Variants in PTPRT observed in about 807,000 individuals in gnomAD.
PTPRT encodes protein tyrosine phosphatase receptor type T.
Under a neutral mutation model 176.8 loss-of-function variants are expected in PTPRT, and 56 were observed. The ratio of observed to expected loss-of-function variants is 0.32; its 90% CI spans 0.26 to 0.40. The LOEUF is 0.40. Ranked by LOEUF, PTPRT falls within the 10% of genes least tolerant of loss-of-function variation. PTPRT has a pLI of 1.00. For missense variants in PTPRT, 1,540 were observed against 1,908.2 expected (o/e 0.81, Z 3.60); for synonymous variants, 783 against 739.0 (o/e 1.06, Z -0.96).
chr20:42,874,085 T>A (rs1046052103), intron 2 of PTPRT, among the ~76,000 whole-genome samples: 1 of 152,152 alleles, frequency 6.6e-6, no homozygotes, highest in Admixed American at 6.5e-5. Context: ...GGTTGAATGG[T>A]CCACGAAGAC....
chr20:42,839,127 T>A (rs538145305), intron 2 of PTPRT, among the ~76,000 whole-genome samples: 1 of 152,270 alleles, frequency 6.6e-6, no homozygotes, highest in East Asian at 1.9e-4. Flanking sequence ...GCACAGGTGC[T>A]GGAGGTAGGC....
chr20:43,175,591 C>T (rs73618875), intron 1 of PTPRT, among the ~76,000 whole-genome samples: 899 of 55,026 alleles, frequency 0.016, 1 homozygote, highest in Middle Eastern at 0.1. Flanking sequence ...AGCGAGACCC[C>T]GGGCTCTGAC....
At chr20:42,046,280 TCTC>T in the PTPRT span, among the ~76,000 whole-genome samples, 111 of 152,320 alleles carry the variant, frequency 7.3e-4, 1 homozygote, top group Non-Finnish European at 1.0e-3. Flanking sequence ...CCGACACTCT[TCTC>T]CTGAACCCAC....
intron 9 of PTPRT, among the ~76,000 whole-genome samples, chr20:42,429,637 G>A (rs1184581552): frequency 6.6e-6 from 1 of 152,198 alleles, no homozygotes; most frequent in Non-Finnish European, 1.5e-5. Context: ...GGAAGGGCAG[G>A]TAGCAGCACC....
intron 13 of PTPRT, among the ~76,000 whole-genome samples, chr20:42,256,444 A>G (rs1354251606): frequency 6.6e-6 from 1 of 152,030 alleles, no homozygotes; most frequent in Non-Finnish European, 1.5e-5. Flanking sequence ...TGTAGCAAAC[A>G]GGAGGGGTGC....
At chr20:42,272,721 G>A (rs546001473) in intron 13 of PTPRT, among the ~76,000 whole-genome samples, 11 of 149,308 alleles carry the variant, frequency 7.4e-5, no homozygotes, top group African/African-American at 2.7e-4. Context: ...ACACGTGCGC[G>A]CACACACACA....
intron 16 of PTPRT, among the ~76,000 whole-genome samples, chr20:42,178,158 G>A (rs577083316): frequency 2.1e-4 from 32 of 152,154 alleles, no homozygotes; most frequent in Admixed American, 1.6e-3. Flanking sequence ...GGCTGTTCTC[G>A]AACTCCTGAC....
intron 27 of PTPRT, among the ~76,000 whole-genome samples, chr20:42,086,743 A>ATATATATATATAT (rs1436136131): frequency 2.6e-5 from 1 of 38,302 alleles, no homozygotes; most frequent in African/African-American, 1.1e-4. Context: ...AAAAAAAAAA[A>ATATATATATATAT]AAAAAAAAAA....
At chr20:42,380,547 C>T in intron 9 of PTPRT, among the ~76,000 whole-genome samples, 1 of 152,170 alleles carries the variant, frequency 6.6e-6, no homozygotes, top group Admixed American at 6.5e-5. Context: ...GACATTGGGC[C>T]CCAATCGGAA....
chr20:42,108,404 A>T (rs1231837554), intron 23 of PTPRT, among the ~76,000 whole-genome samples: 6 of 151,308 alleles, frequency 4.0e-5, no homozygotes, highest in Non-Finnish European at 1.5e-5. Flanking sequence ...AATGATGTTG[A>T]TAATAATTAA....
In PTPRT at chr20:43,146,498, A is replaced by T. The variant is rs146336682; in HGVS notation, c.88+43148T>A. Among the ~76,000 whole-genome samples, 546 of 152,142 alleles carry T rather than the reference A, an allele frequency of 3.6e-3. 3 individuals carry two copies. Among genetic ancestry groups the T allele is most frequent in the African/African-American group, 0.013 (524 of 41,522 alleles). On this transcript the variant is annotated intron_variant, in intron 1 of 30. Coordinates refer to ENST00000373187, the MANE Select transcript of PTPRT (RefSeq NM_007050.6). ...GATATCTTGGGATGAGATTGTGATT[A>T]GGCCACTCTCCAAACACTAGTGGAT...
In PTPRT at chr20:43,082,185, C is replaced by T. The variant is rs142713267; in HGVS notation, c.88+107461G>A. On this transcript the variant is annotated intron_variant, in intron 1 of 30. Coordinates refer to ENST00000373187, the MANE Select transcript of PTPRT (RefSeq NM_007050.6). ...ACATATTGCCTGATCTTTTCTGTAACGTAATCTAAGAGTACGTGCATCTTA... is the reference window on the plus strand; with the variant it reads ...ACATATTGCCTGATCTTTTCTGTAATGTAATCTAAGAGTACGTGCATCTTA... Among the ~76,000 whole-genome samples the T allele has an allele frequency of 1.1e-3, 166 of 152,202 alleles. 2 individuals are homozygous for T. Among genetic ancestry groups the T allele is most frequent in the African/African-American group, 3.6e-3 (150 of 41,538 alleles).
At chr20:42,187,186 T>C (rs1250678438) in intron 16 of PTPRT, among the ~76,000 whole-genome samples, 2 of 152,162 alleles carry the variant, frequency 1.3e-5, no homozygotes, top group African/African-American at 4.8e-5. Context: ...CATATAACTA[T>C]TATCTGTGTT....
At chr20:42,788,804 C>T (rs548519088) in intron 3 of PTPRT, among the ~76,000 whole-genome samples, 2 of 152,296 alleles carry the variant, frequency 1.3e-5, no homozygotes, top group African/African-American at 2.4e-5. Context: ...AGAGCCCAGC[C>T]TTGGAGTTAC....
intron 11 of PTPRT, among the ~76,000 whole-genome samples, chr20:42,336,851 A>C (rs1568786925): frequency 6.6e-6 from 1 of 152,204 alleles, no homozygotes; most frequent in Non-Finnish European, 1.5e-5. Context: ...CTGCACACAC[A>C]CATACAAAGT....
intron 7 of PTPRT, among the ~76,000 whole-genome samples, chr20:42,481,777 A>AACACACAC (rs11468323): frequency 1.4e-5 from 2 of 144,498 alleles, no homozygotes; most frequent in Non-Finnish European, 3.1e-5. Flanking sequence ...TACACACACA[A>AACACACAC]ACACACACAC....
At chr20:42,217,099 C>G (rs948320837) in intron 15 of PTPRT, among the ~76,000 whole-genome samples, 1 of 152,110 alleles carries the variant, frequency 6.6e-6, no homozygotes, top group Admixed American at 6.6e-5. Context: ...CCAGGCCAGG[C>G]GCAGTGGCTC....
At chr20:42,252,821 C>A (rs75587187) in intron 13 of PTPRT, among the ~76,000 whole-genome samples, 21,725 of 152,138 alleles carry the variant, frequency 0.14, 1,810 homozygotes, top group Non-Finnish European at 0.18. Flanking sequence ...GAGGTTTAGA[C>A]GAATTCAATG....
chr20:42,622,860 C>A (rs535775006), intron 7 of PTPRT, among the ~76,000 whole-genome samples: 1 of 152,298 alleles, frequency 6.6e-6, no homozygotes, highest in Admixed American at 6.5e-5. Context: ...GGCCCCCCAC[C>A]TTCAAGCCAA....
Sources: gnomAD v4.1 joint callset for allele counts (sites outside exome capture counted in the v4.1 genomes callset) on GRCh38, gnomAD v4.1.1 for gene constraint, MANE v1.5 for transcripts, NCBI Gene and HGNC (gene_info 2026-07-23, HGNC 2026-07-21) for gene names.